The following TLL1 variants were observed in gnomAD, a reference collection of about 807,000 sequenced individuals.
The protein encoded by TLL1 is tolloid-like protein 1.
TLL1 carries 49 observed loss-of-function variants against 128.2 expected under a neutral mutation model. That is an observed-to-expected ratio of 0.38 (90% confidence interval 0.30 to 0.48). The LOEUF is 0.48. TLL1 is among the 20% of genes least tolerant of loss of function. The probability of loss-of-function intolerance (pLI) is 0.96; values close to 1 mark genes in which losing one functional copy is unlikely to be tolerated. For missense variants in TLL1, 1,123 were observed against 1,242.0 expected (o/e 0.90, Z 1.44); for synonymous variants, 454 against 418.8 (o/e 1.08, Z -1.03).
At position 166,082,635 on chromosome 4, in the gene TLL1, TG is replaced by T. The variant is rs1356699737; in HGVS notation, c.2442+4606del. ...TACAATGCGCAAAATAAAAGCATTT[TG>T]CCTGATTTCTTTAGGATCTTTAACT... On this transcript the variant is annotated intron_variant, in intron 18 of 20. Coordinates refer to ENST00000061240, the MANE Select transcript of TLL1 (RefSeq NM_012464.5). Among the ~76,000 whole-genome samples the T allele has an allele frequency of 5.3e-5, 8 of 152,252 alleles. No homozygotes were observed. In the East Asian group the frequency reaches 1.5e-3, roughly 29 times the overall value.
intron 8 of TLL1, among the ~76,000 whole-genome samples, chr4:166,023,399 C>T (rs962527841): frequency 3.3e-5 from 5 of 152,078 alleles, no homozygotes; most frequent in African/African-American, 1.2e-4. Context: ...GACTCTTTCC[C>T]CAAAGAAAAA....
intron 12 of TLL1, among the ~76,000 whole-genome samples, chr4:166,045,195 TTATTTC>T (rs927103680): frequency 3.3e-5 from 5 of 152,212 alleles, no homozygotes; most frequent in Admixed American, 3.3e-4. Flanking sequence ...TCATATTACT[TTATTTC>T]TATATGTTTC....
chr4:166,096,210 GGTGTGTGT>G (rs60978680), intron 19 of TLL1, among the ~76,000 whole-genome samples: 18,191 of 145,480 alleles, frequency 0.13, 1,365 homozygotes, highest in South Asian at 0.19. Flanking sequence ...TTCTGTCATG[GGTGTGTGT>G]GTGTGTGTGT....
chr4:166,078,554 A>G (rs1328771756), intron 18 of TLL1, among the ~76,000 whole-genome samples: 1 of 152,126 alleles, frequency 6.6e-6, no homozygotes, highest in Non-Finnish European at 1.5e-5. Flanking sequence ...TTTTGCCCAC[A>G]TTTTATTCGG....
chr4:165,969,787 T>C (rs773323483), intron 1 of TLL1, among the ~76,000 whole-genome samples: 10 of 152,182 alleles, frequency 6.6e-5, no homozygotes, highest in African/African-American at 2.4e-4. Flanking sequence ...GGACTTTTTC[T>C]TATTAAAATG....
At chr4:165,942,922 G>A (rs1734084378) in intron 1 of TLL1, among the ~76,000 whole-genome samples, 1 of 151,778 alleles carries the variant, frequency 6.6e-6, no homozygotes, top group African/African-American at 2.4e-5. Context: ...CTGGATCATG[G>A]GCACCATTTA....
intron 1 of TLL1, among the ~76,000 whole-genome samples, chr4:165,876,333 A>C (rs907566386): frequency 6.1e-5 from 7 of 115,076 alleles, no homozygotes; most frequent in Non-Finnish European, 1.3e-4. Flanking sequence ...ATCCCAAGCA[A>C]GAGTCAAAAA....
intron 1 of TLL1, among the ~76,000 whole-genome samples, chr4:165,905,787 GAGA>G (rs1308570566): frequency 5.9e-5 from 9 of 152,212 alleles, no homozygotes; most frequent in Admixed American, 3.9e-4. Flanking sequence ...TTGAAGTGAA[GAGA>G]AGGTGTCTGA....
At chr4:165,960,933 A>T (rs1443953492) in intron 1 of TLL1, among the ~76,000 whole-genome samples, 1 of 152,104 alleles carries the variant, frequency 6.6e-6, no homozygotes, top group Non-Finnish European at 1.5e-5. Flanking sequence ...GCCTACTCTC[A>T]CCATTCCTAC....
At chr4:165,931,769 G>A (rs189991474) in intron 1 of TLL1, among the ~76,000 whole-genome samples, 134 of 151,898 alleles carry the variant, frequency 8.8e-4, no homozygotes, top group African/African-American at 2.9e-3. Context: ...ACTGCACGGG[G>A]TAGTTCTCCA....
intron 1 of TLL1, among the ~76,000 whole-genome samples, chr4:165,949,145 C>T (rs536425270): frequency 6.6e-6 from 1 of 152,140 alleles, no homozygotes; most frequent in East Asian, 1.9e-4. Context: ...AGACTGGGAA[C>T]ATGAGAAAGA....
chr4:165,963,990 C>T (rs373872554), intron 1 of TLL1, among the ~76,000 whole-genome samples: 2 of 152,130 alleles, frequency 1.3e-5, no homozygotes, highest in African/African-American at 4.8e-5. Context: ...TGCAAATCTC[C>T]CATCTGCCAT....
chr4:165,919,592 C>T (rs1015817468), intron 1 of TLL1, among the ~76,000 whole-genome samples: 1 of 151,938 alleles, frequency 6.6e-6, no homozygotes, highest in Non-Finnish European at 1.5e-5. Context: ...AATATTATCA[C>T]GCCATCAAGG....
intron 14 of TLL1, among the ~76,000 whole-genome samples, chr4:166,059,345 A>G (rs1438347999): frequency 1.3e-5 from 2 of 152,134 alleles, no homozygotes; most frequent in Admixed American, 6.5e-5. Flanking sequence ...TTTGGATACC[A>G]TGATTTTGCT....
intron 1 of TLL1, among the ~76,000 whole-genome samples, chr4:165,955,615 A>G (rs1335880932): frequency 2.0e-5 from 3 of 152,158 alleles, no homozygotes; most frequent in African/African-American, 7.2e-5. Context: ...TACAAGCTAG[A>G]AGAGACTGGG....
chr4:165,951,324 A>G (rs566735104), intron 1 of TLL1, among the ~76,000 whole-genome samples: 1 of 152,224 alleles, frequency 6.6e-6, no homozygotes, highest in East Asian at 1.9e-4. Context: ...AATGAGAAAA[A>G]TAGTGGCCAG....
intron 1 of TLL1, among the ~76,000 whole-genome samples, chr4:165,950,920 TAA>T (rs1734482119): frequency 1.3e-5 from 2 of 152,090 alleles, no homozygotes; most frequent in African/African-American, 4.8e-5. Context: ...AAAAGTCATT[TAA>T]GCTCGAAAGA....
In TLL1 at chr4:166,043,337, A is replaced by T; in HGVS notation, c.1442A>T (p.Asp481Val). The T allele has an allele frequency of 6.2e-7, 1 of 1,614,172 alleles. No homozygotes were observed. The highest frequency in any genetic ancestry group is 8.5e-7 in the Non-Finnish European group (1 of 1,179,994). The stretch of plus-strand genomic sequence containing the variant: ...ATTCAGTCTCCCAATTATCCTGATG[A>T]CTATCGCCCGATGAAAGAATGTGTG... Reference protein sequence around the residue: ...GQIQSPNYPDDYRPMKECVWK... With the variant: ...GQIQSPNYPDVYRPMKECVWK... Residue 481 changes from aspartate (D) to valine (V), a missense_variant, in exon 12 of 21, where the codon GAC (aspartate) becomes GTC (valine). This residue lies in a region of TLL1 where 634 missense variants were observed against 672.4 expected (regional missense o/e 0.94). Coordinates refer to ENST00000061240, the MANE Select transcript of TLL1 (RefSeq NM_012464.5).
chr4:165,948,694 G>T (rs1373582410), intron 1 of TLL1, among the ~76,000 whole-genome samples: 1 of 152,044 alleles, frequency 6.6e-6, no homozygotes, highest in Non-Finnish European at 1.5e-5. Flanking sequence ...TCCATGAATG[G>T]ATTAATCTAT....
Sources: allele counts gnomAD v4.1 joint callset (sites outside exome capture counted in the v4.1 genomes callset), GRCh38; gene constraint gnomAD v4.1.1; regional missense constraint gnomAD v4.1.1; transcripts MANE v1.5; gene names NCBI Gene and HGNC (gene_info 2026-07-23, HGNC 2026-07-21).